IKZF2: variants seen among roughly 807,000 people sequenced by gnomAD.
The protein encoded by IKZF2 is zinc finger protein Helios.
Under a neutral mutation model 49.2 loss-of-function variants are expected in IKZF2, and 15 were observed. The ratio of observed to expected loss-of-function variants is 0.30; its 90% CI spans 0.20 to 0.47. The LOEUF (loss-of-function observed/expected upper bound fraction) is 0.47. IKZF2 is among the 20% of genes least tolerant of loss of function. The probability of loss-of-function intolerance (pLI) is 1.00; values close to 1 mark genes in which losing one functional copy is unlikely to be tolerated. For missense variants in IKZF2, 567 were observed against 664.6 expected, an observed-to-expected ratio of 0.85 and a Z score of 1.61; for synonymous variants, 227 against 221.4, an observed-to-expected ratio of 1.03 and a Z score of -0.23.
chr2:213,050,671 G>T (rs1270292942), intron 5 of IKZF2, among the ~76,000 whole-genome samples: 1 of 151,950 alleles, frequency 6.6e-6, no homozygotes, highest in Non-Finnish European at 1.5e-5. Context: ...TTTTCTCCCC[G>T]TTTTTCTATT....
intron 4 of IKZF2, among the ~76,000 whole-genome samples, chr2:213,087,705 A>T (rs1484274839): frequency 1.3e-5 from 2 of 151,986 alleles, no homozygotes; most frequent in Non-Finnish European, 2.9e-5. Flanking sequence ...CCTGTGTCCA[A>T]GTGTTCTCAT....
At chr2:213,085,168 TAGAAAC>T (rs75339910) in intron 4 of IKZF2, among the ~76,000 whole-genome samples, 1 of 152,230 alleles carries the variant, frequency 6.6e-6, no homozygotes, top group Non-Finnish European at 1.5e-5. Flanking sequence ...TAGAAACACT[TAGAAAC>T]AGATGATGTT....
At chr2:213,141,373 C>G (rs1559327084) in intron 4 of IKZF2, among the ~76,000 whole-genome samples, 1 of 151,920 alleles carries the variant, frequency 6.6e-6, no homozygotes. Context: ...TCACCTACTT[C>G]GTTAAAACCA....
chr2:213,126,594 C>A (rs1286160276), intron 4 of IKZF2, among the ~76,000 whole-genome samples: 1 of 151,752 alleles, frequency 6.6e-6, no homozygotes, highest in African/African-American at 2.4e-5. Context: ...AATTATTAAA[C>A]AACAAAGTAA....
intron 4 of IKZF2, among the ~76,000 whole-genome samples, chr2:213,136,355 A>G (rs1381985298): frequency 3.2e-5 from 4 of 126,426 alleles, no homozygotes; most frequent in Non-Finnish European, 6.5e-5. Flanking sequence ...TGGGTGACAG[A>G]GCGGGACACT....
chr2:213,082,414 G>A (rs1704053842), intron 4 of IKZF2, among the ~76,000 whole-genome samples: 1 of 152,116 alleles, frequency 6.6e-6, no homozygotes, highest in Admixed American at 6.5e-5. Flanking sequence ...CTTTTTACTA[G>A]CTTATCCTGT....
intron 4 of IKZF2, among the ~76,000 whole-genome samples, chr2:213,099,369 G>A (rs1340909517): frequency 1.3e-5 from 2 of 152,120 alleles, no homozygotes; most frequent in Non-Finnish European, 2.9e-5. Context: ...CATCTCATCT[G>A]CTTTTTTTGA....
At chr2:213,148,341 T>G (rs2061152154) in intron 3 of IKZF2, among the ~76,000 whole-genome samples, 1 of 152,218 alleles carries the variant, frequency 6.6e-6, no homozygotes, top group Non-Finnish European at 1.5e-5. Context: ...AAGTAAATTA[T>G]AAAAAGTAGG....
At chr2:213,077,461 G>T (rs1703393896) in intron 4 of IKZF2, among the ~76,000 whole-genome samples, 1 of 151,458 alleles carries the variant, frequency 6.6e-6, no homozygotes, top group African/African-American at 2.4e-5. Context: ...CAAAATGAAT[G>T]AAAATAGTAA....
intron 4 of IKZF2, among the ~76,000 whole-genome samples, chr2:213,089,737 G>A (rs372381456): frequency 6.6e-6 from 1 of 152,106 alleles, no homozygotes; most frequent in Non-Finnish European, 1.5e-5. Context: ...GGAGGAAATT[G>A]GGAGAATTCT....
At chr2:213,112,844 A>G (rs967767077) in intron 4 of IKZF2, among the ~76,000 whole-genome samples, 6 of 152,298 alleles carry the variant, frequency 3.9e-5, no homozygotes, top group Non-Finnish European at 5.9e-5. Flanking sequence ...TTTTTCATCT[A>G]TAACAGCGGG....
Position 213,005,191 on chromosome 2 carries a change from T to TGGCG in IKZF2, c.*2168_*2169insCGCC, listed in dbSNP as rs774979216. On this transcript the variant is annotated 3_prime_UTR_variant, in exon 9 of 9. Transcript: ENST00000434687. ...CAATTATTATTTGGGAGTGGTTGGG[T>TGGCG]GGGGGGGGGTGAGCGAGTCTCAAAA... The TGGCG allele has an allele frequency of 3.9e-5, 3 of 76,786 alleles. 1 individual carries two copies. Among genetic ancestry groups the TGGCG allele is most frequent in the Admixed American group, 1.8e-4 (1 of 5,524 alleles). The allele number at this position is 76,786 out of a possible 1,614,324, so 4.8% of individuals were successfully genotyped here. A position where few individuals can be genotyped will look rare whatever the true frequency, so the allele number is the denominator to read the frequency against.
At chr2:213,081,120 A>G (rs1703907253) in intron 4 of IKZF2, 1 of 154,820 alleles carries the variant, frequency 6.5e-6, no homozygotes, top group African/African-American at 2.4e-5. Flanking sequence ...GGTCAAGTGG[A>G]AACATACCAG....
At chr2:213,033,235 C>T (rs1354058850) in intron 6 of IKZF2, among the ~76,000 whole-genome samples, 1 of 152,226 alleles carries the variant, frequency 6.6e-6, no homozygotes, top group Non-Finnish European at 1.5e-5. Context: ...CTGTTTCTAT[C>T]ACATCTGCAG....
chr2:213,141,706 T>G (rs2060880108), intron 4 of IKZF2, among the ~76,000 whole-genome samples: 1 of 151,844 alleles, frequency 6.6e-6, no homozygotes, highest in African/African-American at 2.4e-5. Flanking sequence ...ATCAAGACAC[T>G]AAGCTTACTA....
At chr2:213,115,753 G>A (rs771800425) in intron 4 of IKZF2, among the ~76,000 whole-genome samples, 5 of 152,104 alleles carry the variant, frequency 3.3e-5, no homozygotes, top group Non-Finnish European at 5.9e-5. Flanking sequence ...AGTTTTTCCC[G>A]TCAAAACCAA....
chr2:213,151,716 G>GGCGGCGGCT (rs927523547), upstream of IKZF2: 2 of 147,116 alleles, frequency 1.4e-5, no homozygotes, highest in Non-Finnish European at 1.5e-5. Flanking sequence ...AGGGCGGGCT[G>GGCGGCGGCT]GCGGCGGCTG....
rs1704203099 is a variant in IKZF2 at position 213,083,448 on chromosome 2, T to A, written c.140-26349A>T. Among the ~76,000 whole-genome samples, 3 of 139,820 alleles carry A rather than the reference T, an allele frequency of 2.1e-5. No homozygotes were observed. In the South Asian group the frequency reaches 7.0e-4, roughly 33 times the overall value. 91.7% of individuals were successfully genotyped at this position (139,820 alleles called of 152,430 possible). A position where few individuals can be genotyped will look rare whatever the true frequency, so the allele number is the denominator to read the frequency against. On this transcript the variant is annotated intron_variant, in intron 4 of 8. Coordinates refer to ENST00000434687, the MANE Select transcript of IKZF2 (RefSeq NM_001387220.1). The stretch of plus-strand genomic sequence containing the variant: ...TCTTGTTGCCCAGGCTGGAGTGCAA[T>A]GGCGCAATCTTGGCTCACCACAACC...
intron 4 of IKZF2, among the ~76,000 whole-genome samples, chr2:213,062,039 T>A (rs1701744684): frequency 6.6e-6 from 1 of 151,550 alleles, no homozygotes; most frequent in African/African-American, 2.4e-5. Flanking sequence ...TAATATGAAT[T>A]CTCAATTTTT....
Sources: allele counts gnomAD v4.1 joint callset (sites outside exome capture counted in the v4.1 genomes callset), GRCh38; gene constraint gnomAD v4.1.1; transcripts MANE v1.5; gene names NCBI Gene and HGNC (gene_info 2026-07-23, HGNC 2026-07-21).